Variants in NAALADL2 observed in about 807,000 individuals in gnomAD.
NAALADL2 encodes N-acetylated alpha-linked acidic dipeptidase like 2, also known as inactive N-acetylated-alpha-linked acidic dipeptidase-like protein 2.
Under a neutral mutation model 87.2 loss-of-function variants are expected in NAALADL2, and 76 were observed. The observed-to-expected ratio is 0.87, with a 90% CI of 0.72 to 1.05. NAALADL2 has a LOEUF of 1.05. Among genes scored for constraint, NAALADL2 ranks in the 50% least tolerant of loss-of-function variants. The pLI is 0.00. For synonymous variants in NAALADL2, 354 were observed against 331.0 expected (o/e 1.07, Z -0.75); for missense variants, 1,089 against 945.8 (o/e 1.15, Z -1.99).
chr3:175,474,603 CA>C (rs1725382453), intron 9 of NAALADL2, among the ~76,000 whole-genome samples: 1 of 152,082 alleles, frequency 6.6e-6, no homozygotes, highest in Admixed American at 6.6e-5. Flanking sequence ...TGAATTTTGA[CA>C]AATGTATATA....
chr3:175,170,112 A>T (rs1448041962), intron 2 of NAALADL2, among the ~76,000 whole-genome samples: 1 of 151,878 alleles, frequency 6.6e-6, no homozygotes, highest in Non-Finnish European at 1.5e-5. Flanking sequence ...AATTTCTGTT[A>T]TATAAAGTGC....
At position 175,728,772 on chromosome 3, in the gene NAALADL2, G is replaced by A. The variant is rs369498654; in HGVS notation, c.1897-8534G>A. Among the ~76,000 whole-genome samples the A allele has an allele frequency of 3.9e-5, 6 of 152,244 alleles. No individual in the cohort carries two copies. The East Asian group carries it at 7.7e-4, about 20-fold the overall frequency. On this transcript the variant is annotated intron_variant, in intron 11 of 13. Coordinates refer to ENST00000454872, the MANE Select transcript of NAALADL2 (RefSeq NM_207015.3). ...AAAGGAGTGGAGCAGACTCCCTGCA[G>A]ATCACTGAATCATGGCCATATGGCT...
At chr3:174,555,385 C>T (rs543049922) in intron 2 of NAALADL2, among the ~76,000 whole-genome samples, 9 of 152,242 alleles carry the variant, frequency 5.9e-5, no homozygotes, top group South Asian at 2.1e-4. Flanking sequence ...CTGCAACCTC[C>T]GCCTCCTGGA....
intron 9 of NAALADL2, among the ~76,000 whole-genome samples, chr3:175,488,264 CGAA>C (rs1560635903): frequency 1.5e-4 from 23 of 152,272 alleles, no homozygotes; most frequent in African/African-American, 5.3e-4. Context: ...AGGACAAGCA[CGAA>C]TTAGTTTGAA....
At chr3:175,426,396 G>A (rs1263419102) in intron 5 of NAALADL2, among the ~76,000 whole-genome samples, 2 of 151,988 alleles carry the variant, frequency 1.3e-5, no homozygotes, top group Non-Finnish European at 2.9e-5. Flanking sequence ...AATGACTTAC[G>A]TTGTATCATT....
intron 2 of NAALADL2, among the ~76,000 whole-genome samples, chr3:175,201,108 GT>G (rs1038588815): frequency 6.6e-6 from 1 of 152,038 alleles, no homozygotes; most frequent in Non-Finnish European, 1.5e-5. Context: ...CAATGTTTTT[GT>G]TTTTTAAATG....
At chr3:175,233,186 A>G (rs1745246248) in intron 2 of NAALADL2, among the ~76,000 whole-genome samples, 1 of 152,210 alleles carries the variant, frequency 6.6e-6, no homozygotes, top group Non-Finnish European at 1.5e-5. Flanking sequence ...ATTTGTATCT[A>G]AACAGCTCTC....
intron 11 of NAALADL2, among the ~76,000 whole-genome samples, chr3:175,629,590 C>T (rs1727480500): frequency 6.6e-6 from 1 of 151,394 alleles, no homozygotes; most frequent in African/African-American, 2.4e-5. Flanking sequence ...GGCAATGTTG[C>T]CACGAGAACA....
intron 2 of NAALADL2, among the ~76,000 whole-genome samples, chr3:175,141,637 T>G (rs1353026330): frequency 6.6e-6 from 1 of 152,034 alleles, no homozygotes; most frequent in African/African-American, 2.4e-5. Context: ...GCCATAGTGT[T>G]TAGAGGATAT....
At chr3:175,225,095 G>C (rs1393045925) in intron 2 of NAALADL2, among the ~76,000 whole-genome samples, 3 of 152,110 alleles carry the variant, frequency 2.0e-5, no homozygotes, top group Non-Finnish European at 4.4e-5. Context: ...GTTCTTACTA[G>C]TTTTAAATAT....
At chr3:175,413,952 G>A (rs1414364918) in intron 5 of NAALADL2, among the ~76,000 whole-genome samples, 1 of 152,012 alleles carries the variant, frequency 6.6e-6, no homozygotes, top group Non-Finnish European at 1.5e-5. Context: ...TTGAGAGTTG[G>A]GGCCTTTGCT....
chr3:174,505,791 A>C (rs1719167410), intron 1 of NAALADL2, among the ~76,000 whole-genome samples: 1 of 152,222 alleles, frequency 6.6e-6, no homozygotes, highest in African/African-American at 2.4e-5. Context: ...ATTTCTAGAA[A>C]ATTTCCAAAT....
At chr3:175,494,376 T>A (rs1413257268) in intron 9 of NAALADL2, among the ~76,000 whole-genome samples, 1 of 152,156 alleles carries the variant, frequency 6.6e-6, no homozygotes, top group Admixed American at 6.6e-5. Context: ...AATGTCTGTT[T>A]ATTTTTAGGA....
At chr3:175,292,276 T>C (rs1407401529) in intron 4 of NAALADL2, among the ~76,000 whole-genome samples, 2 of 152,168 alleles carry the variant, frequency 1.3e-5, no homozygotes, top group African/African-American at 4.8e-5. Context: ...CTTTTAAGCC[T>C]GAGGAAGGAT....
intron 4 of NAALADL2, among the ~76,000 whole-genome samples, chr3:175,271,602 G>A (rs376973743): frequency 8.5e-5 from 13 of 152,240 alleles, no homozygotes; most frequent in African/African-American, 3.1e-4. Context: ...GACCAGCCTG[G>A]CCAAGATGGT....
chr3:174,963,929 A>G (rs886376267), intron 1 of NAALADL2, among the ~76,000 whole-genome samples: 2 of 152,116 alleles, frequency 1.3e-5, no homozygotes, highest in Non-Finnish European at 2.9e-5. Flanking sequence ...TTTTCTGACA[A>G]TGTAAATAAT....
intron 4 of NAALADL2, among the ~76,000 whole-genome samples, chr3:175,299,728 C>T (rs1465727261): frequency 6.6e-6 from 1 of 150,692 alleles, no homozygotes; most frequent in Non-Finnish European, 1.5e-5. Flanking sequence ...TATGTTGTCT[C>T]CAAACAGAGA....
At chr3:175,425,148 A>G (rs974907257) in intron 5 of NAALADL2, among the ~76,000 whole-genome samples, 5 of 152,226 alleles carry the variant, frequency 3.3e-5, no homozygotes, top group African/African-American at 1.2e-4. Context: ...TGCTAAGAGC[A>G]TTGTGGAACC....
intron 1 of NAALADL2, among the ~76,000 whole-genome samples, chr3:174,966,182 A>T (rs905396725): frequency 1.3e-5 from 2 of 152,146 alleles, no homozygotes; most frequent in African/African-American, 4.8e-5. Context: ...TTCTTAAAAC[A>T]CTTTTCTGCA....
Sources: allele counts gnomAD v4.1 joint callset (sites outside exome capture counted in the v4.1 genomes callset), GRCh38; gene constraint gnomAD v4.1.1; transcripts MANE v1.5; gene names NCBI Gene and HGNC (gene_info 2026-07-23, HGNC 2026-07-21).